PDSS2: variants seen among roughly 807,000 people sequenced by gnomAD.
The protein encoded by PDSS2 is decaprenyl diphosphate synthase subunit 2, also known as all trans-polyprenyl-diphosphate synthase PDSS2.
A neutral mutation model predicts 44.5 loss-of-function variants in PDSS2; 31 were observed. The ratio of observed to expected loss-of-function variants is 0.70; its 90% CI spans 0.52 to 0.94. PDSS2 has a LOEUF of 0.94. Among genes scored for constraint, PDSS2 ranks in the 40% least tolerant of loss-of-function variants. The probability of loss-of-function intolerance (pLI) is 0.00; values close to 1 mark genes in which losing one functional copy is unlikely to be tolerated. For missense variants in PDSS2, 452 were observed against 482.2 expected, an observed-to-expected ratio of 0.94 and a Z score of 0.59; for synonymous variants, 157 against 180.3, an observed-to-expected ratio of 0.87 and a Z score of 1.03.
intron 7 of PDSS2, among the ~76,000 whole-genome samples, chr6:107,187,209 T>C (rs949483237): frequency 6.6e-6 from 1 of 152,182 alleles, no homozygotes; most frequent in Non-Finnish European, 1.5e-5. Flanking sequence ...GGCTGACAGG[T>C]CTGGATTAAC....
At chr6:107,190,953 G>A (rs1347883013) in intron 7 of PDSS2, among the ~76,000 whole-genome samples, 4 of 151,978 alleles carry the variant, frequency 2.6e-5, no homozygotes, top group Non-Finnish European at 5.9e-5. Flanking sequence ...GTGCAGTGGC[G>A]TGATCTCGGC....
intron 4 of PDSS2, among the ~76,000 whole-genome samples, chr6:107,228,431 C>A (rs185952270): frequency 6.6e-6 from 1 of 152,274 alleles, no homozygotes; most frequent in Admixed American, 6.5e-5. Context: ...CGGCGGCTCA[C>A]ACCTGTAATC....
chr6:107,427,228 T>A (rs1781033554), intron 1 of PDSS2, among the ~76,000 whole-genome samples: 1 of 151,968 alleles, frequency 6.6e-6, no homozygotes, highest in African/African-American at 2.4e-5. Context: ...AAAACGGGAG[T>A]TTACCTGCAC....
chr6:107,221,383 C>A (rs1773602940), intron 4 of PDSS2, among the ~76,000 whole-genome samples: 3 of 141,492 alleles, frequency 2.1e-5, no homozygotes, highest in South Asian at 2.4e-4. Flanking sequence ...ACACCTATAT[C>A]ATCAACTTAC....
At chr6:107,220,973 A>C (rs1234774443) in intron 4 of PDSS2, among the ~76,000 whole-genome samples, 1 of 152,224 alleles carries the variant, frequency 6.6e-6, no homozygotes, top group African/African-American at 2.4e-5. Flanking sequence ...ACCACATCCA[A>C]ATCAGTACCT....
intron 2 of PDSS2, among the ~76,000 whole-genome samples, chr6:107,323,476 A>C (rs1777446187): frequency 6.6e-6 from 1 of 152,124 alleles, no homozygotes; most frequent in African/African-American, 2.4e-5. Context: ...TGCTGTACAG[A>C]TGAGTAATTT....
intron 1 of PDSS2, among the ~76,000 whole-genome samples, chr6:107,411,391 T>C (rs1464569360): frequency 1.3e-5 from 2 of 152,222 alleles, no homozygotes; most frequent in African/African-American, 2.4e-5. Flanking sequence ...ACCAAATGAG[T>C]TACCAAACTT....
chr6:107,315,192 T>A (rs903336879), intron 2 of PDSS2, among the ~76,000 whole-genome samples: 2 of 152,192 alleles, frequency 1.3e-5, no homozygotes, highest in Non-Finnish European at 2.9e-5. Flanking sequence ...TTTAATAAAA[T>A]AGAATTTGCA....
intron 3 of PDSS2, among the ~76,000 whole-genome samples, chr6:107,273,163 T>C (rs936979434): frequency 6.6e-6 from 1 of 152,004 alleles, no homozygotes; most frequent in African/African-American, 2.4e-5. Context: ...TTTTTATTTT[T>C]AGTAGAGACG....
intron 4 of PDSS2, among the ~76,000 whole-genome samples, chr6:107,225,185 T>G: frequency 1.4e-5 from 1 of 70,116 alleles, no homozygotes; most frequent in Non-Finnish European, 2.6e-5. Context: ...TTTTTTTTTT[T>G]TTTTGAGACA....
chr6:107,415,817 G>C (rs1780640911), intron 1 of PDSS2, among the ~76,000 whole-genome samples: 1 of 152,204 alleles, frequency 6.6e-6, no homozygotes. Context: ...TCAGTCTTAA[G>C]TGGTGGAATT....
intron 2 of PDSS2, among the ~76,000 whole-genome samples, chr6:107,286,137 A>AAAATAAAAAT (rs1357620100): frequency 5.2e-4 from 8 of 15,484 alleles, no homozygotes; most frequent in Non-Finnish European, 1.3e-3. Flanking sequence ...GTCGCAAAAT[A>AAAATAAAAAT]AAAAAAAAAA....
At chr6:107,324,976 C>T (rs914904725) in intron 2 of PDSS2, among the ~76,000 whole-genome samples, 1 of 151,874 alleles carries the variant, frequency 6.6e-6, no homozygotes, top group Non-Finnish European at 1.5e-5. Context: ...ATTAGTACCA[C>T]ATTAAAATGA....
intron 1 of PDSS2, among the ~76,000 whole-genome samples, chr6:107,378,408 GGTT>G (rs1051275966): frequency 1.3e-5 from 2 of 152,234 alleles, no homozygotes; most frequent in Admixed American, 6.5e-5. Context: ...AGTTTAGCAA[GGTT>G]GTATGACATA....
chr6:107,166,510 G>A (rs1212816726), intron 7 of PDSS2, among the ~76,000 whole-genome samples: 20 of 151,934 alleles, frequency 1.3e-4, no homozygotes, highest in African/African-American at 3.1e-4. Context: ...GACTACAGGC[G>A]CCTGCCACCA....
intron 2 of PDSS2, among the ~76,000 whole-genome samples, chr6:107,292,818 T>G (rs1165895886): frequency 2.0e-5 from 3 of 152,068 alleles, no homozygotes; most frequent in Non-Finnish European, 4.4e-5. Context: ...CTAGAAACAG[T>G]TATGTGGGGC....
intron 1 of PDSS2, among the ~76,000 whole-genome samples, chr6:107,334,540 T>C (rs1305281943): frequency 6.6e-6 from 1 of 151,556 alleles, no homozygotes; most frequent in Non-Finnish European, 1.5e-5. Flanking sequence ...GTTGTTGTTG[T>C]TGTTGTTGTT....
intron 4 of PDSS2, among the ~76,000 whole-genome samples, chr6:107,243,989 G>A (rs1449858928): frequency 1.3e-5 from 2 of 152,120 alleles, no homozygotes; most frequent in Non-Finnish European, 1.5e-5. Flanking sequence ...TTAGCCAGGT[G>A]TGGTGGTGCA....
At chr6:107,272,901 T>C (rs1274980469) in intron 3 of PDSS2, among the ~76,000 whole-genome samples, 1 of 152,182 alleles carries the variant, frequency 6.6e-6, no homozygotes, top group Non-Finnish European at 1.5e-5. Context: ...GAGGCTGCAG[T>C]AAGCTATGAT....
Sources: gnomAD v4.1 joint callset for allele counts (sites outside exome capture counted in the v4.1 genomes callset) on GRCh38, gnomAD v4.1.1 for gene constraint, MANE v1.5 for transcripts, NCBI Gene and HGNC (gene_info 2026-07-23, HGNC 2026-07-21) for gene names.